Variants in YBX1 observed in about 807,000 individuals in gnomAD.
The protein encoded by YBX1 is Y-box binding protein 1.
In YBX1, 3 loss-of-function variants were observed where a neutral mutation model predicts 41.4. That is an observed-to-expected ratio of 0.07 (90% CI 0.03 to 0.19). YBX1 has a LOEUF of 0.19. Ranked by LOEUF, YBX1 falls within the 10% of genes least tolerant of loss-of-function variation. The pLI, the probability that YBX1 is intolerant of heterozygous loss-of-function variation, is 1.00. For missense variants in YBX1, 274 were observed against 462.8 expected (o/e 0.59, Z 3.74); for synonymous variants, 133 against 165.8 (o/e 0.80, Z 1.52).
intron 7 of YBX1, 67 bp downstream of exon 7, chr1:42,701,113 G>A: frequency 8.3e-7 from 1 of 1,202,924 alleles, no homozygotes. Context: ...TTTTATTAAT[G>A]CAAGAGTAGA....
intron 1 of YBX1, 62 bp from the exon 2 acceptor site, chr1:42,683,341 G>A (rs774197363): frequency 6.2e-7 from 1 of 1,604,368 alleles, no homozygotes; most frequent in Admixed American, 1.7e-5. Flanking sequence ...TGCCCAAGCC[G>A]GGCGGATTTG....
At chr1:42,700,668 G>GCGT (rs2148743087) in intron 6 of YBX1, 113 bp from the exon 7 acceptor site, 1 of 846,756 alleles carries the variant, frequency 1.2e-6, no homozygotes, top group African/African-American at 2.0e-5. Context: ...CAGACCACTT[G>GCGT]ATACAGAATG....
At chr1:42,689,628 G>A (rs1019698723) in intron 2 of YBX1, among the ~76,000 whole-genome samples, 2 of 152,168 alleles carry the variant, frequency 1.3e-5, no homozygotes, top group Non-Finnish European at 2.9e-5. Context: ...CAAACATGGT[G>A]AACATGCTGG....
At chr1:42,700,559 A>T (rs1417235252) in intron 6 of YBX1, among the ~76,000 whole-genome samples, 1 of 147,378 alleles carries the variant, frequency 6.8e-6, no homozygotes, top group Non-Finnish European at 1.5e-5. Flanking sequence ...TCATCATTCC[A>T]TGGCACTTTA....
At chr1:42,691,844 A>G (rs1309730000) in intron 2 of YBX1, among the ~76,000 whole-genome samples, 2 of 151,842 alleles carry the variant, frequency 1.3e-5, no homozygotes, top group East Asian at 1.9e-4. Flanking sequence ...AGTGCTCCCT[A>G]TCTTTGGAAA....
intron 6 of YBX1, among the ~76,000 whole-genome samples, chr1:42,698,975 A>G (rs1177314621): frequency 6.6e-6 from 1 of 152,204 alleles, no homozygotes; most frequent in African/African-American, 2.4e-5. Flanking sequence ...CTGAAAGGGA[A>G]ATCTTAAGAC....
chr1:42,700,820 T>C lies in YBX1; in HGVS notation c.780T>C (p.Asn260=). The C allele has an allele frequency of 6.2e-7, 1 of 1,612,116 alleles. No individual in the cohort carries two copies. The highest frequency in any genetic ancestry group is 8.5e-7 in the Non-Finnish European group (1 of 1,179,768). ...PRQRQPREDG[N]EEDKENQGDE... ...AAAGACAGCCTAGAGAGGACGGCAA[T>C]GAAGAAGATAAAGAAAATCAAGGAG... Residue 260 remains asparagine, a synonymous_variant, in exon 7 of 8, where the codon AAT becomes AAC. Transcript: ENST00000321358.
chr1:42,688,753 G>T (rs1424056731), intron 2 of YBX1, among the ~76,000 whole-genome samples: 1 of 152,204 alleles, frequency 6.6e-6, no homozygotes, highest in Non-Finnish European at 1.5e-5. Context: ...AAAAAGTTCA[G>T]TTGCTCGATA....
intron 2 of YBX1, among the ~76,000 whole-genome samples, chr1:42,685,956 T>G (rs1249849377): frequency 6.6e-6 from 1 of 152,240 alleles, no homozygotes; most frequent in African/African-American, 2.4e-5. Context: ...AGTTTTGGCT[T>G]TATTTTGTTA....
chr1:42,701,212 A>C (rs1446215846), intron 7 of YBX1, among the ~76,000 whole-genome samples, 166 bp downstream of exon 7: 6 of 152,198 alleles, frequency 3.9e-5, no homozygotes, highest in South Asian at 4.1e-4. Flanking sequence ...CATTTTAGGA[A>C]TATTGAATAT....
chr1:42,682,656 G>C lies in YBX1; in HGVS notation c.91G>C (p.Gly31Arg), dbSNP rs1650064554. The stretch of plus-strand genomic sequence containing the variant: ...CGCCGACACCAAGCCCGGCACTACG[G>C]GCAGCGGCGCAGGGAGCGGTGGCCC... ...SAADTKPGTT[G>R]SGAGSGGPGG... The change falls in exon 1 of 8, where the codon GGC becomes CGC. Residue 31 changes from glycine to arginine, a missense_variant. This residue lies in a region of YBX1 where 84 missense variants were observed against 130.8 expected (regional missense o/e 0.64). Coordinates refer to ENST00000321358, the MANE Select transcript of YBX1 (RefSeq NM_004559.5). 7.4e-7 allele frequency: 1 copy of C among 1,343,954 alleles called. No individual in the cohort carries two copies. Among genetic ancestry groups the C allele is most frequent in the Non-Finnish European group, 9.5e-7 (1 of 1,056,138 alleles). 83.3% of individuals were successfully genotyped at this position (1,343,954 alleles called of 1,614,324 possible). A position where few individuals can be genotyped will look rare whatever the true frequency, so the allele number is the denominator to read the frequency against.
Position 42,697,127 on chromosome 1 carries a change from T to G in YBX1, c.658-53T>G, listed in dbSNP as rs892002278. The G allele has an allele frequency of 2.5e-6, 4 of 1,574,384 alleles. No individual in the cohort carries two copies. The African/African-American group carries it at 5.5e-5, about 22-fold the overall frequency. ...TAACTCTTGGATTTATCTGGTTGGGTTTTTTTATTATATTACTGACCCAGT... is the reference window on the plus strand; with the variant it reads ...TAACTCTTGGATTTATCTGGTTGGGGTTTTTTATTATATTACTGACCCAGT... On this transcript the variant is annotated intron_variant, in intron 5 of 7. Transcript: ENST00000321358.
intron 1 of YBX1, chr1:42,683,146 C>T (rs1302924589): frequency 3.1e-6 from 2 of 638,488 alleles, no homozygotes; most frequent in East Asian, 3.3e-5. Flanking sequence ...CCCTCACGTG[C>T]TCTCCGTCCG....
chr1:42,700,774 A>G lies in YBX1; in HGVS notation c.741-7A>G. On this transcript the variant is annotated splice_region_variant and splice_polypyrimidine_tract_variant and intron_variant, in intron 6 of 7. Transcript: ENST00000321358. ...ATCATTCTTAAGTTTGACACCGTTC[A>G]TTGCAGGGGCCCTCCTCGCCAAAGA... The G allele has an allele frequency of 6.2e-7, 1 of 1,607,652 alleles. No homozygotes were observed. Among genetic ancestry groups the G allele is most frequent in the Non-Finnish European group, 8.5e-7 (1 of 1,177,670 alleles).
chr1:42,691,106 A>G (rs1053938276), intron 2 of YBX1, among the ~76,000 whole-genome samples: 5 of 152,242 alleles, frequency 3.3e-5, no homozygotes, highest in Non-Finnish European at 7.3e-5. Context: ...TTCAAAGCAG[A>G]TCAATACATT....
rs115414431 is a variant in YBX1 at position 42,690,013 on chromosome 1, A to T, written c.231-3477A>T. On this transcript the variant is annotated intron_variant, in intron 2 of 7. Coordinates refer to ENST00000321358, the MANE Select transcript of YBX1 (RefSeq NM_004559.5). The stretch of plus-strand genomic sequence containing the variant: ...TCTCATTTTGCAGGTAAAAAAGCCA[A>T]TGAGGCAGCTTTCCTAGGTTACACA... Among the ~76,000 whole-genome samples the T allele has an allele frequency of 3.0e-4, 46 of 152,264 alleles. 1 individual carries two copies. In the East Asian group the frequency reaches 8.3e-3, roughly 28 times the overall value.
intron 1 of YBX1, 40 bp from the exon 2 acceptor site, chr1:42,683,363 C>T: frequency 2.5e-6 from 4 of 1,613,198 alleles, no homozygotes; most frequent in Non-Finnish European, 3.4e-6. Flanking sequence ...AAAAGGATAG[C>T]TGGTAATCGT....
At chr1:42,694,567 A>G (rs1650414344) in intron 3 of YBX1, among the ~76,000 whole-genome samples, 1 of 152,224 alleles carries the variant, frequency 6.6e-6, no homozygotes, top group Admixed American at 6.5e-5. Context: ...CATGTTTCAT[A>G]GGAAGGGCTG....
At chr1:42,686,399 T>C (rs1031483301) in intron 2 of YBX1, among the ~76,000 whole-genome samples, 2 of 152,194 alleles carry the variant, frequency 1.3e-5, no homozygotes, top group East Asian at 3.8e-4. Context: ...ATTTTTAAGA[T>C]CTGAACTTTA....
Sources: gnomAD v4.1 joint callset for allele counts (sites outside exome capture counted in the v4.1 genomes callset) on GRCh38, gnomAD v4.1.1 for gene constraint, gnomAD v4.1.1 regional missense constraint, MANE v1.5 for transcripts, NCBI Gene and HGNC (gene_info 2026-07-23, HGNC 2026-07-21) for gene names.